The following ZSCAN5A variants were observed in gnomAD, a reference collection of about 807,000 sequenced individuals.
The protein encoded by ZSCAN5A is zinc finger and SCAN domain-containing protein 5A.
Under a neutral mutation model 23.7 loss-of-function variants are expected in ZSCAN5A, and 12 were observed. That is an observed-to-expected ratio of 0.51 (90% CI 0.32 to 0.82). ZSCAN5A has a LOEUF of 0.82. Among genes scored for constraint, ZSCAN5A ranks in the 40% least tolerant of loss-of-function variants. The probability of loss-of-function intolerance (pLI) is 0.03; values close to 1 mark genes in which losing one functional copy is unlikely to be tolerated. For synonymous variants in ZSCAN5A, 257 were observed against 239.9 expected, an observed-to-expected ratio of 1.07 and a Z score of -0.66; for missense variants, 597 against 617.9, an observed-to-expected ratio of 0.97 and a Z score of 0.36.
In ZSCAN5A at chr19:56,222,707, A is replaced by C. The variant is rs1422920448; in HGVS notation, c.623T>G (p.Val208Gly). 1.2e-6 allele frequency: 2 copies of C among 1,614,064 alleles called. No homozygotes were observed. Among genetic ancestry groups the C allele is most frequent in the African/African-American group, 2.7e-5 (2 of 74,930 alleles). ...EDFLLHKSID[V>G]TGDPKSLRPK... ...TCTCAGAGACTTTGGGTCACCTGTT[A>C]CGTCAATACTCTTGTGTAGCAGAAA... is the stretch of plus-strand genomic sequence containing the variant. Residue 208 changes from valine (V) to glycine (G), a missense_variant, in exon 5 of 6, where the codon GTA becomes GGA. Around this residue, in one of 5 missense-constraint regions of ZSCAN5A, gnomAD observed 406 missense variants for 353.2 expected, o/e 1.15. Coordinates refer to ENST00000683990, the MANE Select transcript of ZSCAN5A (RefSeq NM_001322064.3).
chr19:56,247,405 A>ACCG, intron 2 of ZSCAN5A: 2 of 188,974 alleles, frequency 1.1e-5, no homozygotes, highest in Non-Finnish European at 2.3e-5. Flanking sequence ...TAAATGTCCC[A>ACCG]AGTGTCTAAG....
chr19:56,226,648 G>A (rs997305016), intron 2 of ZSCAN5A, among the ~76,000 whole-genome samples: 7 of 152,198 alleles, frequency 4.6e-5, no homozygotes, highest in Non-Finnish European at 1.0e-4. Flanking sequence ...ATGGGAGACA[G>A]TATAGAAGCT....
rs2036314321 is a variant in ZSCAN5A, at chr19:56,251,202, T to C, written c.-127-26029A>G. On this transcript the variant is annotated intron_variant, in intron 2 of 5. Transcript: ENST00000683990. The stretch of plus-strand genomic sequence containing the variant: ...GACCCTTGTGACTGTCAGTCTCTGT[T>C]ACCCTCCGTACTTCAGGAAGACCCT... 1.3e-5 allele frequency among the ~76,000 whole-genome samples: 2 copies of C among 151,888 alleles called. 1 individual carries two copies. Among genetic ancestry groups the C allele is most frequent in the South Asian group, 4.2e-4 (2 of 4,804 alleles).
intron 2 of ZSCAN5A, among the ~76,000 whole-genome samples, chr19:56,272,617 TG>T (rs2037933310): frequency 6.6e-6 from 1 of 152,312 alleles, no homozygotes; most frequent in Admixed American, 6.5e-5. Flanking sequence ...AGCATGAAAC[TG>T]TTCTAAAATG....
intron 2 of ZSCAN5A, among the ~76,000 whole-genome samples, chr19:56,334,389 T>G (rs557493583): frequency 6.6e-6 from 1 of 152,254 alleles, no homozygotes; most frequent in Non-Finnish European, 1.5e-5. Flanking sequence ...TATTTTATTA[T>G]TATTTTTAAA....
At chr19:56,281,443 C>G (rs2038698646) in intron 2 of ZSCAN5A, among the ~76,000 whole-genome samples, 1 of 152,176 alleles carries the variant, frequency 6.6e-6, no homozygotes. Context: ...AGAAGGGTTT[C>G]TAACACTCGT....
intron 2 of ZSCAN5A, among the ~76,000 whole-genome samples, chr19:56,239,951 CAGG>C (rs1031332612): frequency 2.0e-5 from 3 of 152,092 alleles, no homozygotes; most frequent in African/African-American, 7.2e-5. Flanking sequence ...ATCACTAGGT[CAGG>C]AGTTCAAGAC....
intron 2 of ZSCAN5A, chr19:56,247,251 G>A (rs1324577386): frequency 2.5e-6 from 1 of 393,460 alleles, no homozygotes; most frequent in South Asian, 2.9e-5. Context: ...GTCACAAACG[G>A]TTCAACAGGA....
At chr19:56,231,048 C>CA (rs1280842534) in intron 2 of ZSCAN5A, among the ~76,000 whole-genome samples, 1 of 151,998 alleles carries the variant, frequency 6.6e-6, no homozygotes, top group African/African-American at 2.4e-5. Context: ...CCAGTCTCTA[C>CA]AAAAAAACAC....
intron 2 of ZSCAN5A, among the ~76,000 whole-genome samples, chr19:56,292,436 T>C (rs2147166010): frequency 6.6e-6 from 1 of 152,234 alleles, no homozygotes; most frequent in South Asian, 2.1e-4. Context: ...CTAATTATTT[T>C]TGGTTTTTTT....
At chr19:56,294,957 G>A (rs11883295) in intron 2 of ZSCAN5A, 66,335 of 152,102 alleles carry the variant, frequency 0.44, 15,157 homozygotes, top group Admixed American at 0.51. Context: ...CAGCTTAGTG[G>A]TTGCCTAGGA....
At chr19:56,245,367 G>A (rs886275398) in intron 2 of ZSCAN5A, 3 of 750,342 alleles carry the variant, frequency 4.0e-6, no homozygotes, top group Non-Finnish European at 2.5e-6. Flanking sequence ...CCGGGGGAAG[G>A]CCAGGCCAGC....
intron 2 of ZSCAN5A, among the ~76,000 whole-genome samples, chr19:56,256,666 GA>G (rs1297168918): frequency 4.6e-5 from 7 of 152,244 alleles, no homozygotes; most frequent in Admixed American, 3.9e-4. Flanking sequence ...GGTGTGGCAT[GA>G]TTCAAATTTC....
chr19:56,323,237 GT>G (rs1192706951), intron 2 of ZSCAN5A, among the ~76,000 whole-genome samples: 1 of 151,998 alleles, frequency 6.6e-6, no homozygotes, highest in Non-Finnish European at 1.5e-5. Context: ...TTCTTGCTCT[GT>G]CACTCAGAGT....
chr19:56,233,064 C>T lies in ZSCAN5A; in HGVS notation c.-127-7891G>A, dbSNP rs574896349. Among the ~76,000 whole-genome samples the T allele has an allele frequency of 5.7e-4, 87 of 152,280 alleles. 1 individual carries two copies. Among genetic ancestry groups the T allele is most frequent in the African/African-American group, 1.9e-3 (81 of 41,566 alleles). The stretch of plus-strand genomic sequence containing the variant: ...GCTACTCTATGAAGGCAGAGGCATT[C>T]GTTGGAGCTGTGAGTGATGTACCTG... On this transcript the variant is annotated intron_variant, in intron 2 of 5. Coordinates refer to ENST00000683990, the MANE Select transcript of ZSCAN5A (RefSeq NM_001322064.3).
rs146855777 is a variant in ZSCAN5A, at chr19:56,323,085, G to A, written c.-357-6817C>T. On this transcript the variant is annotated intron_variant, in intron 2 of 6. Coordinates refer to the ZSCAN5A transcript ENST00000587340. ...AATTTTTTATATTTTCAGTAGAGAC[G>A]GGGTTTCACCTTGTTAGCCAGGATG... Among the ~76,000 whole-genome samples, 1,337 of 151,822 alleles carry A rather than the reference G, an allele frequency of 8.8e-3. 19 individuals are homozygous for A. Among genetic ancestry groups the A allele is most frequent in the African/African-American group, 0.031 (1,266 of 41,378 alleles).
intron 2 of ZSCAN5A, chr19:56,295,258 C>T (rs1345531949): frequency 1.3e-5 from 2 of 152,010 alleles, no homozygotes; most frequent in East Asian, 3.9e-4. Flanking sequence ...TGTGCCACCC[C>T]TGGATGAGTA....
At chr19:56,334,121 C>T (rs2041513975) in intron 2 of ZSCAN5A, among the ~76,000 whole-genome samples, 2 of 152,174 alleles carry the variant, frequency 1.3e-5, no homozygotes, top group Admixed American at 1.3e-4. Flanking sequence ...GTACAGGCTT[C>T]CTGATAGCAG....
chr19:56,282,299 AG>A (rs1406251049), intron 2 of ZSCAN5A, among the ~76,000 whole-genome samples: 2 of 152,180 alleles, frequency 1.3e-5, no homozygotes, highest in Non-Finnish European at 2.9e-5. Flanking sequence ...GTGCCTCCAA[AG>A]GGGTCCAATG....
Sources: gnomAD v4.1 joint callset for allele counts (sites outside exome capture counted in the v4.1 genomes callset) on GRCh38, gnomAD v4.1.1 for gene constraint, gnomAD v4.1.1 regional missense constraint, MANE v1.5 for transcripts, NCBI Gene and HGNC (gene_info 2026-07-23, HGNC 2026-07-21) for gene names.